SSBP2: variants seen among roughly 807,000 people sequenced by gnomAD.
The protein encoded by SSBP2 is single stranded DNA binding protein 2.
A neutral mutation model predicts 61.8 loss-of-function variants in SSBP2; 17 were observed. The ratio of observed to expected loss-of-function variants is 0.28; its 90% CI spans 0.19 to 0.41. SSBP2 has a LOEUF of 0.41. Among genes scored for constraint, SSBP2 ranks in the 10% least tolerant of loss-of-function variants. The pLI, the probability that SSBP2 is intolerant of heterozygous loss-of-function variation, is 1.00. For missense variants in SSBP2, 310 were observed against 458.7 expected, an observed-to-expected ratio of 0.68 and a Z score of 2.96; for synonymous variants, 139 against 141.3, an observed-to-expected ratio of 0.98 and a Z score of 0.12.
chr5:81,520,556 TTTTAA>T (rs1466026440), intron 4 of SSBP2, among the ~76,000 whole-genome samples: 1 of 152,166 alleles, frequency 6.6e-6, no homozygotes, highest in Non-Finnish European at 1.5e-5. Flanking sequence ...AGGTTTTATT[TTTTAA>T]TTTGTTTTTT....
At chr5:81,637,562 C>CT (rs1748355051) in intron 2 of SSBP2, among the ~76,000 whole-genome samples, 2 of 152,286 alleles carry the variant, frequency 1.3e-5, no homozygotes, top group Non-Finnish European at 2.9e-5. Flanking sequence ...TGGGCATAAA[C>CT]TTTAACTTTC....
chr5:81,424,000 T>C (rs2153892624), intron 16 of SSBP2, among the ~76,000 whole-genome samples: 1 of 152,314 alleles, frequency 6.6e-6, no homozygotes, highest in South Asian at 2.1e-4. Context: ...GATACTTTGT[T>C]ACTGATTTGT....
intron 4 of SSBP2, among the ~76,000 whole-genome samples, chr5:81,544,287 T>TC (rs771718159): frequency 1.7e-3 from 252 of 151,688 alleles, no homozygotes; most frequent in African/African-American, 5.2e-3. Flanking sequence ...GACCTCGTGA[T>TC]CCGCCCCCCT....
intron 10 of SSBP2, among the ~76,000 whole-genome samples, chr5:81,453,631 T>C (rs1257736619): frequency 6.6e-6 from 1 of 151,964 alleles, no homozygotes; most frequent in Non-Finnish European, 1.5e-5. Flanking sequence ...TAATTTTTTG[T>C]ATTTTTAGTA....
chr5:81,738,750 T>TA (rs1201950966), intron 1 of SSBP2, among the ~76,000 whole-genome samples: 3 of 152,160 alleles, frequency 2.0e-5, no homozygotes, highest in Non-Finnish European at 4.4e-5. Context: ...TATAAGCATT[T>TA]GTATTGTTAT....
chr5:81,450,080 G>C (rs1763667549), intron 10 of SSBP2, among the ~76,000 whole-genome samples: 1 of 152,102 alleles, frequency 6.6e-6, no homozygotes, highest in Admixed American at 6.5e-5. Flanking sequence ...ACCCAGGCTG[G>C]AGTGCAATGG....
In SSBP2 at chr5:81,526,120, C is replaced by A. The variant is rs558404141; in HGVS notation, c.283-12403G>T. On this transcript the variant is annotated intron_variant, in intron 4 of 16. Transcript: ENST00000320672. ...TCTCCTCTGAAAGAACTTAAAATTT[C>A]TGGTTAAGCATATTTAAAATTTGTT... 4.4e-4 allele frequency among the ~76,000 whole-genome samples: 67 copies of A among 152,082 alleles called. 1 individual carries two copies. In the South Asian group the frequency reaches 0.014, roughly 31 times the overall value.
chr5:81,428,653 G>GC lies in SSBP2; in HGVS notation c.987_988insG (p.Gln330AlafsTer8). The GC allele has an allele frequency of 3.1e-6, 5 of 1,613,268 alleles. No homozygotes were observed. In the Admixed American group the frequency reaches 8.3e-5, roughly 27 times the overall value. On this transcript the variant is annotated frameshift_variant, in exon 16 of 17. Coordinates refer to ENST00000320672, the MANE Select transcript of SSBP2 (RefSeq NM_012446.5). LOFTEE classifies it high-confidence loss of function. ...CCATCATCCCTTGGAGTGCCCGGTT[G>GC]ATTACTCAGGCTCATATTATTGGGA...
At chr5:81,633,588 T>G (rs1747934804) in intron 3 of SSBP2, among the ~76,000 whole-genome samples, 1 of 151,948 alleles carries the variant, frequency 6.6e-6, no homozygotes, top group Admixed American at 6.6e-5. Flanking sequence ...TCAGGCTGGA[T>G]TCAAACACCT....
intron 1 of SSBP2, among the ~76,000 whole-genome samples, chr5:81,710,051 C>G (rs1754663910): frequency 6.6e-6 from 1 of 151,972 alleles, no homozygotes; most frequent in African/African-American, 2.4e-5. Flanking sequence ...TCAAATTCAG[C>G]AAACTTACTG....
chr5:81,588,117 C>T (rs1775212907), intron 4 of SSBP2, among the ~76,000 whole-genome samples: 1 of 152,058 alleles, frequency 6.6e-6, no homozygotes, highest in Non-Finnish European at 1.5e-5. Flanking sequence ...AAGTGTATGC[C>T]ACCATGCCTA....
chr5:81,721,109 G>A (rs1007124688), intron 1 of SSBP2, among the ~76,000 whole-genome samples: 2 of 152,046 alleles, frequency 1.3e-5, no homozygotes, highest in Non-Finnish European at 2.9e-5. Flanking sequence ...ACAATAGTAG[G>A]AAACCTAAAA....
At chr5:81,645,486 C>G (rs1792086893) in intron 2 of SSBP2, among the ~76,000 whole-genome samples, 1 of 152,098 alleles carries the variant, frequency 6.6e-6, no homozygotes, top group Non-Finnish European at 1.5e-5. Flanking sequence ...GGGAAAAAAT[C>G]TAGAATCTTT....
chr5:81,454,276 C>T (rs188617489), intron 10 of SSBP2, among the ~76,000 whole-genome samples: 6 of 152,172 alleles, frequency 3.9e-5, no homozygotes, highest in East Asian at 3.9e-4. Context: ...ATTTTGTTCA[C>T]GGCATGGCAC....
intron 1 of SSBP2, among the ~76,000 whole-genome samples, chr5:81,706,544 T>C (rs1179806827): frequency 6.6e-6 from 1 of 152,212 alleles, no homozygotes; most frequent in Non-Finnish European, 1.5e-5. Context: ...CCTATCCTGG[T>C]GATACATATA....
chr5:81,476,671 T>C (rs1269021291), intron 6 of SSBP2, among the ~76,000 whole-genome samples: 1 of 152,198 alleles, frequency 6.6e-6, no homozygotes, highest in Non-Finnish European at 1.5e-5. Flanking sequence ...TACACAGTAA[T>C]TGATTACTTT....
At chr5:81,487,248 T>G (rs984132863) in intron 6 of SSBP2, among the ~76,000 whole-genome samples, 2 of 152,218 alleles carry the variant, frequency 1.3e-5, no homozygotes, top group Non-Finnish European at 2.9e-5. Context: ...TAATTTCTTC[T>G]CGGGTTATAT....
chr5:81,488,245 G>A (rs183731095), intron 6 of SSBP2, among the ~76,000 whole-genome samples: 39 of 151,230 alleles, frequency 2.6e-4, no homozygotes, highest in Non-Finnish European at 4.1e-4. Flanking sequence ...CTTGAAATGG[G>A]ATTGCTGTAT....
chr5:81,496,389 A>T (rs771314226), intron 5 of SSBP2, among the ~76,000 whole-genome samples: 3 of 152,170 alleles, frequency 2.0e-5, no homozygotes, highest in Non-Finnish European at 2.9e-5. Context: ...CATGTTGGCC[A>T]GGTTGGTCTC....
Sources: gnomAD v4.1 joint callset for allele counts (sites outside exome capture counted in the v4.1 genomes callset) on GRCh38, gnomAD v4.1.1 for gene constraint, MANE v1.5 for transcripts, NCBI Gene and HGNC (gene_info 2026-07-23, HGNC 2026-07-21) for gene names.